CCDC149: variants seen among roughly 807,000 people sequenced by gnomAD.
The protein encoded by CCDC149 is coiled-coil domain containing 149, also known as coiled-coil domain-containing protein 149.
In CCDC149, 45 loss-of-function variants were observed where a neutral mutation model predicts 59.9. The ratio of observed to expected loss-of-function variants is 0.75; its 90% CI spans 0.59 to 0.96. The LOEUF (loss-of-function observed/expected upper bound fraction) is 0.96. Ranked by LOEUF, CCDC149 falls within the 40% of genes least tolerant of loss-of-function variation. The pLI is 0.00. For missense variants in CCDC149, 584 were observed against 664.7 expected, an observed-to-expected ratio of 0.88 and a Z score of 1.33; for synonymous variants, 245 against 260.6, an observed-to-expected ratio of 0.94 and a Z score of 0.58.
At chr4:24,874,383 C>G (rs1334124224) in intron 2 of CCDC149, among the ~76,000 whole-genome samples, 1 of 150,730 alleles carries the variant, frequency 6.6e-6, no homozygotes, top group African/African-American at 2.4e-5. Context: ...GAGTTCAAGA[C>G]CAGCTGGGCC....
At chr4:24,878,336 T>G (rs1319500796) in intron 1 of CCDC149, among the ~76,000 whole-genome samples, 3 of 152,196 alleles carry the variant, frequency 2.0e-5, no homozygotes. Flanking sequence ...TGGATGAATT[T>G]TATTCCTGGC....
At chr4:24,881,626 T>C (rs1436746266) in intron 1 of CCDC149, among the ~76,000 whole-genome samples, 2 of 152,250 alleles carry the variant, frequency 1.3e-5, no homozygotes, top group Non-Finnish European at 1.5e-5. Context: ...CTGACTCATA[T>C]GGTCTGCATC....
At chr4:24,948,145 A>C (rs1232671938) in intron 1 of CCDC149, among the ~76,000 whole-genome samples, 1 of 152,162 alleles carries the variant, frequency 6.6e-6, no homozygotes, top group East Asian at 1.9e-4. Context: ...AAAAATCAGA[A>C]AGTGGTTGCA....
intron 1 of CCDC149, among the ~76,000 whole-genome samples, chr4:24,918,650 G>A (rs138336356): frequency 2.0e-5 from 3 of 152,346 alleles, no homozygotes; most frequent in African/African-American, 7.2e-5. Context: ...TCCTGTTAGA[G>A]ACAGATTTTT....
At chr4:24,962,125 A>T (rs1475353308) in intron 1 of CCDC149, among the ~76,000 whole-genome samples, 1 of 152,082 alleles carries the variant, frequency 6.6e-6, no homozygotes, top group Non-Finnish European at 1.5e-5. Flanking sequence ...AAAAAAACAA[A>T]CAACCCCATC....
At chr4:24,822,821 A>G in intron 9 of CCDC149, 1 of 315,854 alleles carries the variant, frequency 3.2e-6, no homozygotes, top group East Asian at 5.4e-5. Context: ...CCCAAAAGGT[A>G]GTTTTCCTGG....
chr4:24,918,695 A>T (rs566117457), intron 1 of CCDC149, among the ~76,000 whole-genome samples: 71 of 152,302 alleles, frequency 4.7e-4, no homozygotes, highest in Middle Eastern at 6.8e-3. Context: ...CAAAGCTGCA[A>T]TTCCTTTCTT....
At position 24,952,838 on chromosome 4, in the gene CCDC149, C is replaced by G. The variant is rs1723356266; in HGVS notation, c.-65+27231G>C. Among the ~76,000 whole-genome samples, 2 of 151,616 alleles carry G rather than the reference C, an allele frequency of 1.3e-5. 1 individual carries two copies. Among genetic ancestry groups the G allele is most frequent in the South Asian group, 4.2e-4 (2 of 4,802 alleles). On this transcript the variant is annotated intron_variant, in intron 1 of 12. Transcript: ENST00000389609. ...CCCTTAAATAACTCACCTTTCCCCC[C>G]ATCTTCCCCATCCCCTGGCAACCAC...
intron 12 of CCDC149, among the ~76,000 whole-genome samples, chr4:24,813,527 T>TATATATATAA (rs1405803152): frequency 6.6e-4 from 60 of 91,252 alleles, no homozygotes; most frequent in Non-Finnish European, 1.1e-3. Flanking sequence ...TATATATATA[T>TATATATATAA]AAAACCTAAA....
intron 1 of CCDC149, among the ~76,000 whole-genome samples, chr4:24,969,663 A>G (rs1723903386): frequency 6.6e-6 from 1 of 152,198 alleles, no homozygotes; most frequent in African/African-American, 2.4e-5. Flanking sequence ...AGGCTTTGTT[A>G]CACCAGGGCA....
intron 4 of CCDC149, 66 bp from the exon 5 acceptor site, chr4:24,838,338 A>G: frequency 8.5e-7 from 1 of 1,172,510 alleles, no homozygotes. Flanking sequence ...TAAAAACCAA[A>G]GGACACTAAG....
chr4:24,951,451 T>C (rs1011323910), intron 1 of CCDC149, among the ~76,000 whole-genome samples: 1 of 152,150 alleles, frequency 6.6e-6, no homozygotes, highest in African/African-American at 2.4e-5. Context: ...AGGCTATTAT[T>C]AATGGGAAAA....
intron 1 of CCDC149, among the ~76,000 whole-genome samples, chr4:24,931,310 A>AT (rs1722579695): frequency 2.2e-5 from 3 of 138,266 alleles, no homozygotes; most frequent in Non-Finnish European, 4.6e-5. Flanking sequence ...TTTATTTTAA[A>AT]ATATATATAT....
intron 1 of CCDC149, 70 bp downstream of exon 1, chr4:24,912,747 G>A (rs1485661025): frequency 3.6e-6 from 4 of 1,115,494 alleles, no homozygotes; most frequent in Non-Finnish European, 4.4e-6. Flanking sequence ...CGGCCTCTCT[G>A]GGGGCGCGGG....
At chr4:24,932,360 T>TA (rs1156845660) in intron 1 of CCDC149, among the ~76,000 whole-genome samples, 2 of 152,172 alleles carry the variant, frequency 1.3e-5, no homozygotes, top group Non-Finnish European at 1.5e-5. Context: ...GAGATGTGAT[T>TA]ATTTCTCCTT....
chr4:24,904,575 G>C (rs753218135), intron 1 of CCDC149, among the ~76,000 whole-genome samples: 15 of 151,990 alleles, frequency 9.9e-5, no homozygotes, highest in Non-Finnish European at 1.8e-4. Context: ...GGGTTGTTTA[G>C]TTAAGTGTGT....
In CCDC149 at chr4:24,806,848, G is replaced by A. The variant is rs1057029468; in HGVS notation, c.*1541C>T. 3.9e-5 allele frequency: 6 copies of A among 153,362 alleles called. No homozygotes were observed. In the South Asian group the frequency reaches 6.2e-4, roughly 16 times the overall value. 9.5% of individuals were successfully genotyped at this position (153,362 alleles called of 1,614,324 possible). On this transcript the variant is annotated 3_prime_UTR_variant, in exon 13 of 13. Coordinates refer to ENST00000635206, the MANE Select transcript of CCDC149 (RefSeq NM_001330643.2). ...TAAAGTAGTGGGAGACCCACCCAAT[G>A]TGCATCAAAGGCCTGGGTCCTTCTG...
intron 8 of CCDC149, among the ~76,000 whole-genome samples, chr4:24,833,589 A>T (rs983999444): frequency 6.6e-6 from 1 of 152,104 alleles, no homozygotes; most frequent in Non-Finnish European, 1.5e-5. Context: ...ACGCCACTGC[A>T]CTCCAGCCTG....
chr4:24,874,187 G>A (rs1719233350), intron 2 of CCDC149, among the ~76,000 whole-genome samples: 1 of 150,796 alleles, frequency 6.6e-6, no homozygotes, highest in South Asian at 2.1e-4. Flanking sequence ...GTGTTGGGAG[G>A]GACAGTATTT....
Sources: gnomAD v4.1 joint callset for allele counts (sites outside exome capture counted in the v4.1 genomes callset) on GRCh38, gnomAD v4.1.1 for gene constraint, MANE v1.5 for transcripts, NCBI Gene and HGNC (gene_info 2026-07-23, HGNC 2026-07-21) for gene names.